PARN: variants seen among roughly 807,000 people sequenced by gnomAD.
The protein encoded by PARN is poly(A)-specific ribonuclease, also known as poly(A)-specific ribonuclease PARN.
In PARN, 71 loss-of-function variants were observed where a neutral mutation model predicts 102.8. That is an observed-to-expected ratio of 0.69 (90% CI 0.57 to 0.84). The LOEUF (loss-of-function observed/expected upper bound fraction) is 0.84. PARN is among the 40% of genes least tolerant of loss of function. The pLI is 0.00. For missense variants in PARN, 782 were observed against 760.9 expected (o/e 1.03, Z -0.33); for synonymous variants, 261 against 252.9 (o/e 1.03, Z -0.30).
intron 12 of PARN, among the ~76,000 whole-genome samples, chr16:14,597,558 G>A (rs955762988): frequency 6.6e-6 from 1 of 152,168 alleles, no homozygotes; most frequent in Non-Finnish European, 1.5e-5. Flanking sequence ...TTAGCCTGGT[G>A]TGGTGGCAGG....
intron 21 of PARN, among the ~76,000 whole-genome samples, chr16:14,522,593 G>C (rs1965792599): frequency 1.3e-5 from 2 of 152,014 alleles, no homozygotes; most frequent in Admixed American, 6.5e-5. Context: ...GGGCAGCCCT[G>C]GTGGAAAAAA....
chr16:14,608,122 TTAAG>T (rs1367434756), intron 9 of PARN, 155 bp downstream of exon 9: 6 of 638,454 alleles, frequency 9.4e-6, no homozygotes, highest in Non-Finnish European at 1.4e-5. Flanking sequence ...CAAAAGAAAA[TTAAG>T]TGAGTATTCA....
At chr16:14,516,415 C>A (rs1054244859) in intron 21 of PARN, among the ~76,000 whole-genome samples, 9 of 151,802 alleles carry the variant, frequency 5.9e-5, no homozygotes, top group African/African-American at 2.2e-4. Flanking sequence ...GAAAACGGAT[C>A]CAAAACAACT....
chr16:14,490,082 C>T (rs1462756561), intron 21 of PARN, among the ~76,000 whole-genome samples: 4 of 152,040 alleles, frequency 2.6e-5, no homozygotes, highest in Non-Finnish European at 5.9e-5. Flanking sequence ...TGTTTGAGCC[C>T]GGGATGTGGA....
chr16:14,543,025 T>TTA (rs1966850893), intron 21 of PARN, among the ~76,000 whole-genome samples: 3 of 152,202 alleles, frequency 2.0e-5, no homozygotes, highest in African/African-American at 7.2e-5. Flanking sequence ...CCTACGTGCA[T>TTA]TATATTCAAA....
chr16:14,438,447 G>GC (rs1227082116), intron 23 of PARN, among the ~76,000 whole-genome samples: 2 of 150,404 alleles, frequency 1.3e-5, no homozygotes, highest in African/African-American at 4.9e-5. Context: ...TAGTTGGGGG[G>GC]GGGGGTGTGT....
At chr16:14,571,416 A>T (rs923639624) in intron 18 of PARN, among the ~76,000 whole-genome samples, 1 of 152,184 alleles carries the variant, frequency 6.6e-6, no homozygotes, top group African/African-American at 2.4e-5. Flanking sequence ...GTAAGAACTA[A>T]CCATATGATT....
At chr16:14,471,921 A>T (rs369377156) in intron 22 of PARN, among the ~76,000 whole-genome samples, 1 of 152,300 alleles carries the variant, frequency 6.6e-6, no homozygotes, top group Non-Finnish European at 1.5e-5. Context: ...TTCCTTTTTA[A>T]GGCTGATTAA....
At chr16:14,447,777 G>C (rs866703036) in intron 22 of PARN, among the ~76,000 whole-genome samples, 1 of 151,952 alleles carries the variant, frequency 6.6e-6, no homozygotes, top group African/African-American at 2.4e-5. Context: ...CCTCTAAATG[G>C]GTCTTAGAGA....
chr16:14,509,813 T>C lies in PARN; in HGVS notation c.1481-26986A>G, dbSNP rs199854662. Among the ~76,000 whole-genome samples, 24 of 152,350 alleles carry C rather than the reference T, an allele frequency of 1.6e-4. No individual in the cohort carries two copies. The East Asian group carries it at 4.2e-3, about 27-fold the overall frequency. On this transcript the variant is annotated intron_variant, in intron 21 of 23. Transcript: ENST00000437198. Reference sequence around the variant, plus strand: ...TTTCTATTCTTCAAGGAATACATCTTTGGCACTGAATTTCTTTTAGTAGAA... The same window carrying C: ...TTTCTATTCTTCAAGGAATACATCTCTGGCACTGAATTTCTTTTAGTAGAA...
chr16:14,565,707 T>C (rs969359354), intron 18 of PARN, among the ~76,000 whole-genome samples: 1 of 152,226 alleles, frequency 6.6e-6, no homozygotes. Flanking sequence ...TGCCACCAAC[T>C]ACAGCATTGT....
chr16:14,455,894 C>T (rs1335201877), intron 22 of PARN, among the ~76,000 whole-genome samples: 3 of 152,202 alleles, frequency 2.0e-5, no homozygotes, highest in African/African-American at 4.8e-5. Flanking sequence ...CTGGATAATT[C>T]CTTTAAACTA....
At chr16:14,547,400 T>C (rs1967020871) in intron 21 of PARN, among the ~76,000 whole-genome samples, 1 of 152,136 alleles carries the variant, frequency 6.6e-6, no homozygotes, top group Non-Finnish European at 1.5e-5. Context: ...AAAAGAGAAC[T>C]TTCATATTCA....
chr16:14,609,580 A>G (rs1477490746), intron 7 of PARN, among the ~76,000 whole-genome samples: 1 of 152,152 alleles, frequency 6.6e-6, no homozygotes, highest in Non-Finnish European at 1.5e-5. Flanking sequence ...CAAAAAATAA[A>G]TAACATAAAA....
At chr16:14,472,460 T>C (rs1255552276) in intron 22 of PARN, among the ~76,000 whole-genome samples, 3 of 152,182 alleles carry the variant, frequency 2.0e-5, no homozygotes, top group African/African-American at 7.2e-5. Flanking sequence ...GTAAATAATT[T>C]AGAACAGGTG....
At chr16:14,466,886 C>G (rs1039948506) in intron 22 of PARN, among the ~76,000 whole-genome samples, 2 of 152,148 alleles carry the variant, frequency 1.3e-5, no homozygotes, top group Non-Finnish European at 2.9e-5. Flanking sequence ...CCCACTAACA[C>G]TAATTTGAGA....
At chr16:14,485,098 C>T (rs188552240) in intron 21 of PARN, among the ~76,000 whole-genome samples, 1 of 152,192 alleles carries the variant, frequency 6.6e-6, no homozygotes, top group East Asian at 1.9e-4. Context: ...ACAATGTCTC[C>T]CAAAGAAGTG....
At chr16:14,527,417 C>T (rs2151662478) in intron 21 of PARN, among the ~76,000 whole-genome samples, 1 of 152,304 alleles carries the variant, frequency 6.6e-6, no homozygotes, top group Middle Eastern at 3.4e-3. Flanking sequence ...GAGTTGTTGT[C>T]CCATTCCAGA....
chr16:14,536,959 T>C (rs759457121), intron 21 of PARN, among the ~76,000 whole-genome samples: 19 of 152,152 alleles, frequency 1.2e-4, no homozygotes, highest in African/African-American at 4.3e-4. Flanking sequence ...TATATTAAAC[T>C]GAAATGCTTC....
Sources: gnomAD v4.1 joint callset for allele counts (sites outside exome capture counted in the v4.1 genomes callset) on GRCh38, gnomAD v4.1.1 for gene constraint, MANE v1.5 for transcripts, NCBI Gene and HGNC (gene_info 2026-07-23, HGNC 2026-07-21) for gene names.